The following PREX1 variants were observed in gnomAD, a reference collection of about 807,000 sequenced individuals.
PREX1 encodes the protein phosphatidylinositol-3,4,5-trisphosphate dependent Rac exchange factor 1.
A neutral mutation model predicts 198.3 loss-of-function variants in PREX1; 41 were observed. That is an observed-to-expected ratio of 0.21 (90% CI 0.16 to 0.27). The LOEUF is 0.27. Among genes scored for constraint, PREX1 ranks in the 10% least tolerant of loss-of-function variants. PREX1 has a pLI of 1.00. For missense variants in PREX1, 1,620 were observed against 2,200.7 expected (o/e 0.74, Z 5.28); for synonymous variants, 843 against 887.2 (o/e 0.95, Z 0.89).
chr20:48,651,683 G>GC lies in PREX1; in HGVS notation c.2468-101dup, dbSNP rs1406224279. On this transcript the variant is annotated intron_variant, in intron 21 of 39. Transcript: ENST00000371941. ...GGAAGCCTTCCAGGCAGTGGGAACA[G>GC]CAAGTGCAAAGGCCCCAGGGCAGGA... 14 of 1,201,328 alleles carry GC rather than the reference G, an allele frequency of 1.2e-5. No homozygotes were observed. The African/African-American group carries it at 2.1e-4, about 18-fold the overall frequency. 74.4% of individuals were successfully genotyped at this position (1,201,328 alleles called of 1,614,324 possible).
chr20:48,756,774 T>G (rs1267550734), intron 1 of PREX1, among the ~76,000 whole-genome samples: 1 of 152,222 alleles, frequency 6.6e-6, no homozygotes, highest in Non-Finnish European at 1.5e-5. Context: ...CCTGTATTAG[T>G]CTGTTCTCAC....
At chr20:48,800,102 A>G (rs1380818205) in intron 1 of PREX1, among the ~76,000 whole-genome samples, 2 of 152,206 alleles carry the variant, frequency 1.3e-5, no homozygotes, top group East Asian at 3.8e-4. Flanking sequence ...CTATTTCACC[A>G]AACTTTACAC....
At chr20:48,657,970 G>A (rs2089558250) in intron 17 of PREX1, among the ~76,000 whole-genome samples, 166 bp downstream of exon 17, 1 of 152,216 alleles carries the variant, frequency 6.6e-6, no homozygotes, top group African/African-American at 2.4e-5. Context: ...TGTAGCCACT[G>A]CAGACAGTGG....
chr20:48,717,634 C>A (rs879328921), intron 5 of PREX1, among the ~76,000 whole-genome samples: 2 of 152,066 alleles, frequency 1.3e-5, no homozygotes, highest in Non-Finnish European at 1.5e-5. Context: ...CATATGCAGA[C>A]TTCATGCAAA....
the PREX1 span, among the ~76,000 whole-genome samples, chr20:48,837,642 G>C: frequency 6.6e-6 from 1 of 152,278 alleles, no homozygotes; most frequent in Admixed American, 6.5e-5. Flanking sequence ...ACGCAGAGGG[G>C]AGCAACAGAC....
At chr20:48,658,349 A>C (rs2089561958) in intron 16 of PREX1, 121 bp from the exon 17 acceptor site, 1 of 964,182 alleles carries the variant, frequency 1.0e-6, no homozygotes, top group Admixed American at 2.2e-5. Flanking sequence ...GGCCAGATCC[A>C]GGTGGGCGAG....
intron 10 of PREX1, among the ~76,000 whole-genome samples, chr20:48,686,659 C>T (rs1046891353): frequency 2.0e-5 from 3 of 152,208 alleles, no homozygotes; most frequent in Non-Finnish European, 2.9e-5. Context: ...TGCCCCGCCC[C>T]GCCTGCCCCA....
At chr20:48,634,498 G>A (rs771419245) in intron 33 of PREX1, among the ~76,000 whole-genome samples, 178 bp downstream of exon 33, 2 of 152,158 alleles carry the variant, frequency 1.3e-5, no homozygotes, top group Non-Finnish European at 2.9e-5. Flanking sequence ...TTCCATGTGT[G>A]CCCCAAAGTT....
chr20:48,696,666 C>A (rs117498109), intron 7 of PREX1, among the ~76,000 whole-genome samples: 282 of 152,124 alleles, frequency 1.9e-3, no homozygotes, highest in Non-Finnish European at 2.8e-3. Flanking sequence ...CACACGTACA[C>A]AAACCCCCTC....
rs1044438386 is a variant in PREX1, at chr20:48,707,139, C to T, written c.783+1121G>A. ...CCCGGGCCCTCTTCTAACGTTACCA[C>T]GGAAAGCCAAACACAACCATGGCTG... On this transcript the variant is annotated intron_variant, in intron 6 of 39. Transcript: ENST00000371941. Among the ~76,000 whole-genome samples the T allele has an allele frequency of 7.2e-5, 11 of 152,362 alleles. No homozygotes were observed. The East Asian group carries it at 1.2e-3, about 16-fold the overall frequency.
the PREX1 span, among the ~76,000 whole-genome samples, chr20:48,842,715 C>T: frequency 6.6e-6 from 1 of 151,698 alleles, no homozygotes; most frequent in African/African-American, 2.4e-5. Flanking sequence ...TGCACCAAAT[C>T]AGACAGAGTT....
At chr20:48,661,444 A>AAATATATATATATAT in intron 15 of PREX1, among the ~76,000 whole-genome samples, 1 of 49,598 alleles carries the variant, frequency 2.0e-5, no homozygotes, top group East Asian at 5.1e-4. Flanking sequence ...AAAAAAAAAA[A>AAATATATATATATAT]ATATATATAT....
intron 7 of PREX1, among the ~76,000 whole-genome samples, chr20:48,695,922 G>C (rs1468728541): frequency 6.6e-6 from 1 of 152,206 alleles, no homozygotes; most frequent in Non-Finnish European, 1.5e-5. Context: ...GGGCATAGCA[G>C]TGTTCCAATA....
chr20:48,762,810 C>T (rs1462314739), intron 1 of PREX1, among the ~76,000 whole-genome samples: 1 of 149,998 alleles, frequency 6.7e-6, no homozygotes, highest in Non-Finnish European at 1.5e-5. Flanking sequence ...TCAAGCGATT[C>T]TTCTGCCTCA....
At chr20:48,641,977 C>T (rs745595717) in intron 29 of PREX1, 191 bp downstream of exon 29, 1 of 506,756 alleles carries the variant, frequency 2.0e-6, no homozygotes, top group South Asian at 2.7e-5. Context: ...AGAAAAAGAA[C>T]CATTCTTGGC....
intron 1 of PREX1, among the ~76,000 whole-genome samples, chr20:48,814,922 A>C (rs2090453181): frequency 2.6e-5 from 4 of 152,238 alleles, no homozygotes; most frequent in Admixed American, 6.5e-5. Context: ...TGCACTTGGA[A>C]TATAAAGACA....
intron 11 of PREX1, 72 bp from the exon 12 acceptor site, chr20:48,679,826 G>A (rs573499819): frequency 8.2e-7 from 1 of 1,215,380 alleles, no homozygotes; most frequent in Admixed American, 1.7e-5. Flanking sequence ...CCCCAGCATT[G>A]GCCTTCACTG....
chr20:48,788,067 G>C (rs1036410322), intron 1 of PREX1, among the ~76,000 whole-genome samples: 4 of 152,164 alleles, frequency 2.6e-5, no homozygotes, highest in Non-Finnish European at 4.4e-5. Flanking sequence ...TAGAGCGGGG[G>C]ACCATGAGAG....
chr20:48,836,050 G>C, the PREX1 span, among the ~76,000 whole-genome samples: 1 of 152,246 alleles, frequency 6.6e-6, no homozygotes, highest in African/African-American at 2.4e-5. Context: ...GACTCTATTA[G>C]TGGCTCACGC....
Sources: allele counts gnomAD v4.1 joint callset (sites outside exome capture counted in the v4.1 genomes callset), GRCh38; gene constraint gnomAD v4.1.1; transcripts MANE v1.5; gene names NCBI Gene and HGNC (gene_info 2026-07-23, HGNC 2026-07-21).